The following FMN1 variants were observed in gnomAD, a reference collection of about 807,000 sequenced individuals.
FMN1 encodes the protein formin-1.
In FMN1, 110 loss-of-function variants were observed where a neutral mutation model predicts 132.4. The observed-to-expected ratio is 0.83, with a 90% CI of 0.71 to 0.97. FMN1 has a LOEUF of 0.97. Among genes scored for constraint, FMN1 ranks in the 50% least tolerant of loss-of-function variants. FMN1 has a pLI of 0.00. For synonymous variants in FMN1, 722 were observed against 651.7 expected, an observed-to-expected ratio of 1.11 and a Z score of -1.64; for missense variants, 1,792 against 1,705.3, an observed-to-expected ratio of 1.05 and a Z score of -0.90.
In FMN1 at chr15:32,968,797, A is replaced by C. The variant is rs1844670899; in HGVS notation, c.2904T>G (p.Ser968Arg). The C allele has an allele frequency of 6.2e-7, 1 of 1,611,676 alleles. No individual in the cohort carries two copies. ...GLFFGLGSSS[S>R]QCPRKPAIEP... ...CGATGGCTGGTTTTCGAGGACATTG[A>C]CTGGAAGAAGAGCCAAGTCCAAAGA... The change falls in exon 8 of 21, where the codon AGT becomes AGG. Residue 968 changes from serine to arginine, a missense_variant. Physicochemically the swap from Ser to Arg is moderately radical, Grantham distance 110. This residue lies in a region of FMN1 where 1,150 missense variants were observed against 1,043.1 expected (regional missense o/e 1.10). Transcript: ENST00000616417.
At chr15:33,010,530 CACA>C (rs1253674819) in intron 6 of FMN1, among the ~76,000 whole-genome samples, 1 of 152,032 alleles carries the variant, frequency 6.6e-6, no homozygotes, top group Admixed American at 6.6e-5. Flanking sequence ...TTCAGCATAA[CACA>C]ACAATACCTG....
At chr15:33,108,679 T>C (rs780749320) in intron 4 of FMN1, among the ~76,000 whole-genome samples, 13 of 152,150 alleles carry the variant, frequency 8.5e-5, no homozygotes, top group East Asian at 1.9e-4. Context: ...CCTTGGCTCC[T>C]GATGTGTAAC....
chr15:32,902,935 T>C lies in FMN1; in HGVS notation c.3378-895A>G, dbSNP rs1450666975. On this transcript the variant is annotated intron_variant, in intron 12 of 20. Coordinates refer to ENST00000616417, the MANE Select transcript of FMN1 (RefSeq NM_001277313.2). The stretch of plus-strand genomic sequence containing the variant: ...TGGTGTTGAGATGATGATTAACTGA[T>C]ATTTCTGAAAGTCTTGGTCAACTCA... 3.3e-5 allele frequency among the ~76,000 whole-genome samples: 5 copies of C among 152,244 alleles called. No individual in the cohort carries two copies. In the East Asian group the frequency reaches 9.6e-4, roughly 29 times the overall value.
intron 16 of FMN1, among the ~76,000 whole-genome samples, chr15:32,871,629 C>T (rs778881081): frequency 6.6e-6 from 1 of 151,910 alleles, no homozygotes; most frequent in Non-Finnish European, 1.5e-5. Flanking sequence ...CCTAAAGATA[C>T]AAGATACAAA....
chr15:33,093,211 C>T, intron 4 of FMN1, among the ~76,000 whole-genome samples: 1 of 152,168 alleles, frequency 6.6e-6, no homozygotes, highest in East Asian at 1.9e-4. Flanking sequence ...AAAACAAAAA[C>T]CCTAAGCTTA....
chr15:33,025,708 G>A (rs1316772503), intron 6 of FMN1, among the ~76,000 whole-genome samples: 6 of 151,964 alleles, frequency 3.9e-5, no homozygotes, highest in Admixed American at 3.9e-4. Flanking sequence ...CATACTAATG[G>A]AGAAAACCTA....
intron 5 of FMN1, among the ~76,000 whole-genome samples, chr15:33,082,225 G>T (rs573060134): frequency 2.0e-5 from 3 of 151,536 alleles, no homozygotes; most frequent in Non-Finnish European, 4.4e-5. Context: ...GGCGCCCACC[G>T]CCACGGTCGG....
chr15:33,076,432 C>G (rs142207912), intron 5 of FMN1, among the ~76,000 whole-genome samples: 2 of 152,184 alleles, frequency 1.3e-5, no homozygotes, highest in East Asian at 3.9e-4. Context: ...TAAAAGTTAT[C>G]TTGAGAATAT....
rs202171796 is a variant in FMN1 at position 33,066,862 on chromosome 15, G to A, written c.2044-1788C>T. 43 of 1,613,966 alleles carry A rather than the reference G, an allele frequency of 2.7e-5. No homozygotes were observed. Among genetic ancestry groups the A allele is most frequent in the Non-Finnish European group, 3.4e-5 (40 of 1,179,888 alleles). ...TGAGCAGCAGAGAGAGCTGCTCCAGGAGAGTGGGAGTGGCCTTCGGATCAG... is the reference window on the plus strand; with the variant it reads ...TGAGCAGCAGAGAGAGCTGCTCCAGAAGAGTGGGAGTGGCCTTCGGATCAG... On this transcript the variant is annotated intron_variant, in intron 5 of 20. Coordinates refer to ENST00000616417, the MANE Select transcript of FMN1 (RefSeq NM_001277313.2).
Position 32,766,742 on chromosome 15 carries a change from T to C in FMN1, c.*7568A>G, listed in dbSNP as rs2140810426. The C allele has an allele frequency of 6.6e-6, 1 of 151,860 alleles. No homozygotes were observed. The highest frequency in any genetic ancestry group is 1.9e-4 in the East Asian group (1 of 5,168). 9.4% of individuals were successfully genotyped at this position (151,860 alleles called of 1,614,324 possible). A position where few individuals can be genotyped will look rare whatever the true frequency, so the allele number is the denominator to read the frequency against. On this transcript the variant is annotated 3_prime_UTR_variant, in exon 21 of 21. Transcript: ENST00000616417. Reference sequence around the variant, plus strand: ...GAACGGAGCACAGGGTGTGAGAGGATGGAGGAGGGGCCAAGGGAGCTACTC... The same window carrying C: ...GAACGGAGCACAGGGTGTGAGAGGACGGAGGAGGGGCCAAGGGAGCTACTC...
At chr15:32,810,198 T>G (rs749413161) in intron 17 of FMN1, among the ~76,000 whole-genome samples, 2 of 152,228 alleles carry the variant, frequency 1.3e-5, no homozygotes, top group Non-Finnish European at 1.5e-5. Context: ...ATTACAGGCG[T>G]GAGCCACCGT....
chr15:33,106,997 G>A (rs372520011), intron 4 of FMN1, among the ~76,000 whole-genome samples: 5 of 151,942 alleles, frequency 3.3e-5, no homozygotes, highest in East Asian at 1.9e-4. Context: ...ATCTCATACA[G>A]GCACCCAAGT....
intron 4 of FMN1, among the ~76,000 whole-genome samples, chr15:33,119,630 G>A (rs919780055): frequency 3.3e-5 from 5 of 152,140 alleles, no homozygotes; most frequent in Middle Eastern, 3.4e-3. Context: ...CTCTTTCAAG[G>A]GATAGAAGTG....
intron 4 of FMN1, among the ~76,000 whole-genome samples, chr15:33,128,101 G>C (rs977337974): frequency 2.6e-5 from 4 of 152,050 alleles, no homozygotes; most frequent in African/African-American, 9.7e-5. Context: ...AATGAGGCCA[G>C]AAGAAGGGAG....
At chr15:33,007,698 G>GA (rs966865750) in intron 7 of FMN1, among the ~76,000 whole-genome samples, 1 of 150,718 alleles carries the variant, frequency 6.6e-6, no homozygotes, top group African/African-American at 2.4e-5. Context: ...ATCGTACCTA[G>GA]AAAAAAAAAC....
rs139069666 is a variant in FMN1 at position 32,788,873 on chromosome 15, C to T, written c.4130+9931G>A. On this transcript the variant is annotated intron_variant, in intron 19 of 20. Coordinates refer to ENST00000616417, the MANE Select transcript of FMN1 (RefSeq NM_001277313.2). Reference sequence around the variant, plus strand: ...GTAATACAGTCAAGAACAGAGCTGGCGATTGTTTTATTCCATTAACTAATC... The same window carrying T: ...GTAATACAGTCAAGAACAGAGCTGGTGATTGTTTTATTCCATTAACTAATC... 1.1e-4 allele frequency among the ~76,000 whole-genome samples: 16 copies of T among 152,222 alleles called. No individual in the cohort carries two copies. In the East Asian group the frequency reaches 2.5e-3, roughly 24 times the overall value.
At chr15:33,059,230 C>T (rs1258533277) in intron 6 of FMN1, among the ~76,000 whole-genome samples, 5 of 152,128 alleles carry the variant, frequency 3.3e-5, no homozygotes, top group Admixed American at 2.0e-4. Flanking sequence ...ATTCCCCCCA[C>T]CCTTTTAAGG....
chr15:33,128,532 T>C (rs1004723850), intron 4 of FMN1, among the ~76,000 whole-genome samples: 19 of 152,228 alleles, frequency 1.2e-4, no homozygotes, highest in Admixed American at 4.6e-4. Flanking sequence ...CAGCGTGATA[T>C]GTTAAGTAAA....
At chr15:33,065,391 C>T in intron 5 of FMN1, among the ~76,000 whole-genome samples, 1 of 152,128 alleles carries the variant, frequency 6.6e-6, no homozygotes, top group East Asian at 1.9e-4. Context: ...AAGGTACAGA[C>T]ATAAATGTAC....
Sources: allele counts gnomAD v4.1 joint callset (sites outside exome capture counted in the v4.1 genomes callset), GRCh38; gene constraint gnomAD v4.1.1; regional missense constraint gnomAD v4.1.1; transcripts MANE v1.5; gene names NCBI Gene and HGNC (gene_info 2026-07-23, HGNC 2026-07-21).